Variants in CRACR2A observed in about 807,000 individuals in gnomAD.
CRACR2A encodes EF-hand calcium-binding domain-containing protein 4B.
Under a neutral mutation model 90.5 loss-of-function variants are expected in CRACR2A, and 79 were observed. The observed-to-expected ratio is 0.87, with a 90% CI of 0.73 to 1.05. The LOEUF is 1.05. Among genes scored for constraint, CRACR2A ranks in the 50% least tolerant of loss-of-function variants. CRACR2A has a pLI of 0.00. For missense variants in CRACR2A, 823 were observed against 897.2 expected, an observed-to-expected ratio of 0.92 and a Z score of 1.06; for synonymous variants, 338 against 356.7, an observed-to-expected ratio of 0.95 and a Z score of 0.59.
At position 3,658,874 on chromosome 12, in the gene CRACR2A, C is replaced by T. The variant is rs1322025268; in HGVS notation, c.762+690G>A. Among the ~76,000 whole-genome samples, 3 of 151,852 alleles carry T rather than the reference C, an allele frequency of 2.0e-5. No individual in the cohort carries two copies. The East Asian group carries it at 5.8e-4, about 29-fold the overall frequency. On this transcript the variant is annotated intron_variant, in intron 8 of 19. Transcript: ENST00000440314. ...CATGTTTCCAGAAGGATCCTGCTTA[C>T]CTTGGCAAAGAAGAGGATTTCGCCA...
At chr12:3,621,457 G>C (rs936851640) in intron 17 of CRACR2A, among the ~76,000 whole-genome samples, 6 of 148,474 alleles carry the variant, frequency 4.0e-5, no homozygotes, top group African/African-American at 1.5e-4. Flanking sequence ...TTCAAGACCA[G>C]CCTGGCCAAG....
chr12:3,633,802 A>G lies in CRACR2A; in HGVS notation c.1603-66T>C. The G allele has an allele frequency of 6.5e-7, 1 of 1,545,426 alleles. No homozygotes were observed. Among genetic ancestry groups the G allele is most frequent in the Non-Finnish European group, 8.7e-7 (1 of 1,145,154 alleles). On this transcript the variant is annotated intron_variant, in intron 14 of 19. Coordinates refer to ENST00000440314, the MANE Select transcript of CRACR2A (RefSeq NM_001144958.2). The surrounding 1 kb of genome is among the most constrained non-coding windows in gnomAD (Gnocchi z 4.5). Reference sequence around the variant, plus strand: ...CTTGCCAGCCCCTGCCCCTGCCACCAGAGGCCCTTTACCCATCCCTACAGT... The same window carrying G: ...CTTGCCAGCCCCTGCCCCTGCCACCGGAGGCCCTTTACCCATCCCTACAGT...
chr12:3,699,026 C>T (rs926843222), intron 3 of CRACR2A, among the ~76,000 whole-genome samples: 3 of 152,150 alleles, frequency 2.0e-5, no homozygotes, highest in Non-Finnish European at 4.4e-5. Context: ...TCTTGCCAGG[C>T]CCCTAGCATA....
At chr12:3,715,297 G>A (rs1186866958) in intron 2 of CRACR2A, among the ~76,000 whole-genome samples, 2 of 152,238 alleles carry the variant, frequency 1.3e-5, no homozygotes, top group Non-Finnish European at 1.5e-5. Flanking sequence ...GAGCTAATTT[G>A]GACGGTGGCA....
At chr12:3,684,978 T>C (rs1945526730) in intron 4 of CRACR2A, among the ~76,000 whole-genome samples, 1 of 152,216 alleles carries the variant, frequency 6.6e-6, no homozygotes. Context: ...GAGAAAGCTG[T>C]TGATGAAAGC....
At chr12:3,716,774 C>T (rs1946089756) in intron 2 of CRACR2A, among the ~76,000 whole-genome samples, 1 of 152,116 alleles carries the variant, frequency 6.6e-6, no homozygotes, top group Non-Finnish European at 1.5e-5. Flanking sequence ...GTTTTTGCTT[C>T]AATTTTAGCA....
Position 3,713,231 on chromosome 12 carries a change from A to G in CRACR2A, c.-37+6T>C, listed in dbSNP as rs1946032625. On this transcript the variant is annotated splice_donor_region_variant and intron_variant, in intron 3 of 19. Coordinates refer to ENST00000440314, the MANE Select transcript of CRACR2A (RefSeq NM_001144958.2). ...GCAACCTGTCGCCTTTTGTTCGCTC[A>G]CTCACCTTGCAGCTCCCGGCTCCTC... is the stretch of plus-strand genomic sequence containing the variant. The G allele has an allele frequency of 5.1e-6, 5 of 985,114 alleles. No individual in the cohort carries two copies. The highest frequency in any genetic ancestry group is 4.8e-6 in the Non-Finnish European group (4 of 829,872). The allele number at this position is 985,114 out of a possible 1,614,324, so 61.0% of individuals were successfully genotyped here.
chr12:3,636,818 T>C (rs1944462036), intron 14 of CRACR2A, among the ~76,000 whole-genome samples: 1 of 152,064 alleles, frequency 6.6e-6, no homozygotes, highest in South Asian at 2.1e-4. Flanking sequence ...CAGGCATGAG[T>C]CTTAATCCTG....
At chr12:3,687,539 A>G (rs1945581916) in intron 4 of CRACR2A, among the ~76,000 whole-genome samples, 1 of 152,178 alleles carries the variant, frequency 6.6e-6, no homozygotes, top group Non-Finnish European at 1.5e-5. Flanking sequence ...TGTTCTTTTT[A>G]TGGCTGCATA....
intron 2 of CRACR2A, among the ~76,000 whole-genome samples, chr12:3,715,437 G>C (rs977776475): frequency 3.9e-5 from 6 of 152,168 alleles, no homozygotes; most frequent in African/African-American, 1.4e-4. Context: ...GTATGTTTTG[G>C]ATGCCTAGAG....
At position 3,656,356 on chromosome 12, in the gene CRACR2A, T is replaced by A; in HGVS notation, c.813A>T (p.Leu271Phe). ...ARSQELEQKL[L>F]CKEQELEQLT... ...GCTGCTCCAGCTCCTGCTCCTTACA[T>A]AACAGTTTCTGCTCCAGCTCTTGAC... Residue 271 changes from leucine to phenylalanine, a missense_variant, in exon 9 of 20, where the codon TTA (leucine) becomes TTT (phenylalanine). By Grantham distance (22) the Leu-to-Phe change is conservative. Transcript: ENST00000440314. 6.2e-7 allele frequency: 1 copy of A among 1,614,126 alleles called. No individual in the cohort carries two copies. The highest frequency in any genetic ancestry group is 8.5e-7 in the Non-Finnish European group (1 of 1,180,026).
intron 7 of CRACR2A, among the ~76,000 whole-genome samples, chr12:3,663,475 CTCT>C (rs919672843): frequency 1.3e-5 from 2 of 152,208 alleles, no homozygotes; most frequent in African/African-American, 4.8e-5. Flanking sequence ...CATGACCTTA[CTCT>C]TCTTCTGCAT....
At chr12:3,663,151 C>A (rs1265197753) in intron 7 of CRACR2A, among the ~76,000 whole-genome samples, 2 of 152,044 alleles carry the variant, frequency 1.3e-5, no homozygotes, top group Non-Finnish European at 2.9e-5. Flanking sequence ...ATTTATGTCA[C>A]CCACAGGGCC....
Position 3,627,452 on chromosome 12 carries a change from C to T in CRACR2A, c.1916G>A (p.Trp639Ter). ...CCAGCTCACCTCCACGCTGCTCAGC[C>T]ACCGCCGGACCGACAGGAACGACTG... ...DKQSFLSVRR[W>*]LSSVEEAVGD... Residue 639 changes from tryptophan (W) to a stop codon, truncating the protein, a stop_gained, in exon 17 of 20, where the codon TGG becomes TAG. Transcript: ENST00000440314. LOFTEE classifies it high-confidence loss of function. 1 of 1,551,942 alleles carries T rather than the reference C, an allele frequency of 6.4e-7. No homozygotes were observed. The highest frequency in any genetic ancestry group is 8.7e-7 in the Non-Finnish European group (1 of 1,147,066).
At chr12:3,684,688 C>A (rs749307465) in intron 4 of CRACR2A, among the ~76,000 whole-genome samples, 3 of 152,228 alleles carry the variant, frequency 2.0e-5, no homozygotes, top group Non-Finnish European at 4.4e-5. Context: ...GTTATCACAG[C>A]CATGTAGCCA....
chr12:3,686,673 C>T (rs79602615), intron 4 of CRACR2A, among the ~76,000 whole-genome samples: 14,896 of 152,102 alleles, frequency 0.098, 973 homozygotes, highest in Non-Finnish European at 0.14. Flanking sequence ...CTCAGCCCCC[C>T]GTGAAGCTTC....
Position 3,650,077 on chromosome 12 carries a change from G to A in CRACR2A, c.1047-1464C>T, listed in dbSNP as rs549814712. On this transcript the variant is annotated intron_variant, in intron 10 of 19. Coordinates refer to ENST00000440314, the MANE Select transcript of CRACR2A (RefSeq NM_001144958.2). The stretch of plus-strand genomic sequence containing the variant: ...TTACTACAAGGGTTCATAGTTTCAC[G>A]TTTCCAAACTGCAGCACAGCTTTTC... Among the ~76,000 whole-genome samples the A allele has an allele frequency of 3.3e-5, 5 of 152,218 alleles. No homozygotes were observed. In the East Asian group the frequency reaches 9.7e-4, roughly 29 times the overall value.
intron 7 of CRACR2A, among the ~76,000 whole-genome samples, chr12:3,661,547 T>C (rs374885820): frequency 1.2e-4 from 19 of 152,386 alleles, no homozygotes; most frequent in African/African-American, 4.3e-4. Context: ...TTTGGGATTG[T>C]TACTTTTGCT....
At chr12:3,653,798 T>C (rs952724495) in intron 10 of CRACR2A, among the ~76,000 whole-genome samples, 1 of 152,142 alleles carries the variant, frequency 6.6e-6, no homozygotes, top group South Asian at 2.1e-4. Context: ...GCCTCCCAGG[T>C]CTCTACACGA....
Sources: gnomAD v4.1 joint callset for allele counts (sites outside exome capture counted in the v4.1 genomes callset) on GRCh38, gnomAD v4.1.1 for gene constraint, Gnocchi (gnomAD v3.1) non-coding constraint, MANE v1.5 for transcripts, NCBI Gene and HGNC (gene_info 2026-07-23, HGNC 2026-07-21) for gene names.